The following TTC31 variants were observed in gnomAD, a reference collection of about 807,000 sequenced individuals.
The protein encoded by TTC31 is tetratricopeptide repeat domain 31, also known as tetratricopeptide repeat protein 31.
Under a neutral mutation model 60.4 loss-of-function variants are expected in TTC31, and 59 were observed. That is an observed-to-expected ratio of 0.98 (90% CI 0.79 to 1.21). The LOEUF (loss-of-function observed/expected upper bound fraction) is 1.21. Ranked by LOEUF, TTC31 falls within the 50% of genes most tolerant of loss-of-function variation. The probability of loss-of-function intolerance (pLI) is 0.00; values close to 1 mark genes in which losing one functional copy is unlikely to be tolerated. For synonymous variants in TTC31, 225 were observed against 249.6 expected, an observed-to-expected ratio of 0.90 and a Z score of 0.93; for missense variants, 672 against 646.9, an observed-to-expected ratio of 1.04 and a Z score of -0.42.
chr2:74,487,039 C>T (rs540136401), intron 2 of TTC31, among the ~76,000 whole-genome samples: 1 of 152,178 alleles, frequency 6.6e-6, no homozygotes, highest in Non-Finnish European at 1.5e-5. Context: ...AAGATGGGAG[C>T]ACAGTTGGTA....
intron 6 of TTC31, 33 bp downstream of exon 6, chr2:74,491,217 A>T (rs543585180): frequency 6.2e-7 from 1 of 1,614,184 alleles, no homozygotes; most frequent in East Asian, 2.2e-5. Context: ...AAGAGCACCA[A>T]GTGCCAGGAA....
chr2:74,492,590 T>C, intron 11 of TTC31, 56 bp from the exon 12 acceptor site: 6 of 1,598,024 alleles, frequency 3.8e-6, no homozygotes, highest in Non-Finnish European at 5.1e-6. Flanking sequence ...TTAGAAAGGG[T>C]ACTTTTAAGC....
chr2:74,491,547 A>G lies in TTC31; in HGVS notation c.751A>G (p.Ser251Gly). The change falls in exon 8 of 13, where the codon AGT becomes GGT. Residue 251 changes from serine (S) to glycine (G), a missense_variant. Coordinates refer to ENST00000233623, the MANE Select transcript of TTC31 (RefSeq NM_022492.6). Reference protein sequence around the residue: ...ALRKVGDWPLSARREKGLNQE... With the variant: ...ALRKVGDWPLGARREKGLNQE... ...GCGCAAGGTTGGGGATTGGCCCCTC[A>G]GTGCCCGCAGAGAGAAGGGACTGAA... 1.2e-6 allele frequency: 2 copies of G among 1,612,978 alleles called. No homozygotes were observed. Among genetic ancestry groups the G allele is most frequent in the Non-Finnish European group, 1.7e-6 (2 of 1,179,948 alleles).
At position 74,493,372 on chromosome 2, in the gene TTC31, T is replaced by G; in HGVS notation, c.*154T>G. 3 of 800,052 alleles carry G rather than the reference T, an allele frequency of 3.7e-6. No individual in the cohort carries two copies. The highest frequency in any genetic ancestry group is 5.7e-6 in the Non-Finnish European group (3 of 525,168). 49.6% of individuals were successfully genotyped at this position (800,052 alleles called of 1,614,324 possible). A position where few individuals can be genotyped will look rare whatever the true frequency, so the allele number is the denominator to read the frequency against. On this transcript the variant is annotated 3_prime_UTR_variant, in exon 13 of 13. Transcript: ENST00000233623. ...TCATTCCTCTTGCCATGGGGAAGCT[T>G]CTGATGAGAGAAAGGAGCCCCACAT...
rs747333639 is a variant in TTC31, at chr2:74,491,994, C to T, written c.877-10C>T. 1 of 1,614,214 alleles carries T rather than the reference C, an allele frequency of 6.2e-7. No homozygotes were observed. Among genetic ancestry groups the T allele is most frequent in the Non-Finnish European group, 8.5e-7 (1 of 1,180,022 alleles). The stretch of plus-strand genomic sequence containing the variant: ...CTCAAGACCTGCTTGACTTTGCACC[C>T]TATCCCCAGGCATCTCCGGGACTGC... On this transcript the variant is annotated splice_polypyrimidine_tract_variant and intron_variant, in intron 8 of 12. Transcript: ENST00000233623.
At chr2:74,486,222 C>T (rs751142290) in intron 2 of TTC31, among the ~76,000 whole-genome samples, 2 of 151,518 alleles carry the variant, frequency 1.3e-5, no homozygotes, top group African/African-American at 2.4e-5. Flanking sequence ...GCCAAGGTTG[C>T]GCCATTGCAT....
chr2:74,483,868 C>G (rs546544843), intron 2 of TTC31, among the ~76,000 whole-genome samples: 1 of 150,666 alleles, frequency 6.6e-6, no homozygotes, highest in Admixed American at 6.6e-5. Context: ...CTCTTGAGCG[C>G]GGGAGGTCAA....
At chr2:74,484,404 G>A (rs1311012003) in intron 2 of TTC31, among the ~76,000 whole-genome samples, 1 of 152,142 alleles carries the variant, frequency 6.6e-6, no homozygotes, top group African/African-American at 2.4e-5. Context: ...TGGCTTGAAA[G>A]GCTTTGACTT....
At chr2:74,490,917 C>CT in intron 5 of TTC31, 178 bp downstream of exon 5, 1 of 887,674 alleles carries the variant, frequency 1.1e-6, no homozygotes, top group African/African-American at 1.7e-5. Flanking sequence ...TGCAGTGGTT[C>CT]TGGAATCCTA....
chr2:74,486,559 T>A (rs1218586366), intron 2 of TTC31, among the ~76,000 whole-genome samples: 3 of 151,912 alleles, frequency 2.0e-5, no homozygotes, highest in Non-Finnish European at 4.4e-5. Context: ...AGAAGGAGGA[T>A]AGGGAGTGCT....
chr2:74,490,226 C>T lies in TTC31; in HGVS notation c.233-18C>T, dbSNP rs755873992. 6.2e-7 allele frequency: 1 copy of T among 1,612,646 alleles called. No individual in the cohort carries two copies. Among genetic ancestry groups the T allele is most frequent in the African/African-American group, 1.3e-5 (1 of 74,892 alleles). ...CTCTCATGTCCTTTCTTTCCTGTCTCTTTCTCCCTCCTGACAGATTACCTC... is the reference window on the plus strand; with the variant it reads ...CTCTCATGTCCTTTCTTTCCTGTCTTTTTCTCCCTCCTGACAGATTACCTC... On this transcript the variant is annotated intron_variant, in intron 3 of 12. Coordinates refer to ENST00000233623, the MANE Select transcript of TTC31 (RefSeq NM_022492.6).
At chr2:74,487,211 G>C (rs927626388) in intron 2 of TTC31, among the ~76,000 whole-genome samples, 1 of 152,178 alleles carries the variant, frequency 6.6e-6, no homozygotes, top group African/African-American at 2.4e-5. Context: ...AGAAGGTCAA[G>C]GAAGTACCTG....
intron 8 of TTC31, 86 bp from the exon 9 acceptor site, chr2:74,491,918 T>C (rs1398448188): frequency 6.9e-6 from 11 of 1,598,508 alleles, no homozygotes; most frequent in Non-Finnish European, 8.6e-6. Context: ...GTAATGCTAA[T>C]TGCAGTGTTA....
chr2:74,491,863 G>A, intron 8 of TTC31, 141 bp from the exon 9 acceptor site: 1 of 1,465,750 alleles, frequency 6.8e-7, no homozygotes, highest in East Asian at 2.4e-5. Flanking sequence ...GGAAGATAGG[G>A]CTGATACCAT....
At position 74,493,596 on chromosome 2, in the gene TTC31, C is replaced by G. The variant is rs758444530; in HGVS notation, c.*378C>G. On this transcript the variant is annotated 3_prime_UTR_variant, in exon 13 of 13. Coordinates refer to ENST00000233623, the MANE Select transcript of TTC31 (RefSeq NM_022492.6). ...CCAACTAGAGCTTGGTGTACAGGAACGGGGTCACAGTGCTGAGGGGGCTTG... is the reference window on the plus strand; with the variant it reads ...CCAACTAGAGCTTGGTGTACAGGAAGGGGGTCACAGTGCTGAGGGGGCTTG... The G allele has an allele frequency of 1.6e-5, 3 of 183,194 alleles. No homozygotes were observed. The highest frequency in any genetic ancestry group is 3.4e-5 in the Non-Finnish European group (3 of 87,892). 11.3% of individuals were successfully genotyped at this position (183,194 alleles called of 1,614,324 possible).
intron 2 of TTC31, among the ~76,000 whole-genome samples, chr2:74,486,329 G>C (rs1476853971): frequency 1.3e-5 from 2 of 151,504 alleles, no homozygotes; most frequent in Admixed American, 1.3e-4. Flanking sequence ...TCCTGGCTCT[G>C]TCTCTATTGG....
intron 2 of TTC31, 34 bp from the exon 3 acceptor site, chr2:74,489,991 C>T: frequency 1.4e-6 from 2 of 1,463,488 alleles, no homozygotes; most frequent in Non-Finnish European, 1.9e-6. Flanking sequence ...CTGCCCCCAA[C>T]ACCAGCCTCC....
intron 2 of TTC31, among the ~76,000 whole-genome samples, chr2:74,488,095 C>T (rs1673355135): frequency 6.6e-6 from 1 of 152,194 alleles, no homozygotes; most frequent in Non-Finnish European, 1.5e-5. Context: ...CGATTTCAGC[C>T]TCCCGAGTAG....
intron 2 of TTC31, among the ~76,000 whole-genome samples, chr2:74,485,563 C>A (rs532564125): frequency 1.3e-5 from 2 of 151,376 alleles, no homozygotes; most frequent in Admixed American, 6.6e-5. Flanking sequence ...CTCTGCTTCC[C>A]GGGTTCAAGT....
Sources: allele counts gnomAD v4.1 joint callset (sites outside exome capture counted in the v4.1 genomes callset), GRCh38; gene constraint gnomAD v4.1.1; transcripts MANE v1.5; gene names NCBI Gene and HGNC (gene_info 2026-07-23, HGNC 2026-07-21).